Variants in CHRM3 observed in about 807,000 individuals in gnomAD.
CHRM3 encodes cholinergic receptor muscarinic 3, also known as muscarinic acetylcholine receptor M3.
A neutral mutation model predicts 41.8 loss-of-function variants in CHRM3; 11 were observed. The observed-to-expected ratio is 0.26, with a 90% CI of 0.17 to 0.44. The LOEUF is 0.44. CHRM3 is among the 20% of genes least tolerant of loss of function. CHRM3 has a pLI of 1.00. For synonymous variants in CHRM3, 297 were observed against 301.4 expected, an observed-to-expected ratio of 0.99 and a Z score of 0.15; for missense variants, 571 against 745.4, an observed-to-expected ratio of 0.77 and a Z score of 2.72.
At chr1:239,542,358 A>G (rs2148395872) in intron 2 of CHRM3, among the ~76,000 whole-genome samples, 1 of 152,282 alleles carries the variant, frequency 6.6e-6, no homozygotes, top group South Asian at 2.1e-4. Flanking sequence ...GATGTTATCT[A>G]CTCAGAGAAA....
intron 2 of CHRM3, among the ~76,000 whole-genome samples, chr1:239,498,202 T>C (rs1019582400): frequency 3.9e-5 from 6 of 152,258 alleles, no homozygotes; most frequent in African/African-American, 9.6e-5. Context: ...TATAAGTACA[T>C]ATCAAGGCAT....
chr1:239,814,963 A>G (rs575719572), intron 5 of CHRM3, among the ~76,000 whole-genome samples: 3 of 151,730 alleles, frequency 2.0e-5, no homozygotes, highest in Non-Finnish European at 4.4e-5. Flanking sequence ...TTTAGTAGAG[A>G]TGGGGTTTCA....
intron 3 of CHRM3, among the ~76,000 whole-genome samples, chr1:239,616,142 A>T (rs1448473637): frequency 6.6e-6 from 1 of 152,236 alleles, no homozygotes; most frequent in East Asian, 1.9e-4. Flanking sequence ...TAACATTGTG[A>T]TCTGCAAGTT....
At chr1:239,828,431 A>T (rs544043936) in intron 6 of CHRM3, among the ~76,000 whole-genome samples, 1 of 152,260 alleles carries the variant, frequency 6.6e-6, no homozygotes, top group East Asian at 1.9e-4. Flanking sequence ...ATGTTGTGGG[A>T]CCATAACTGG....
At chr1:239,448,751 T>A (rs1372722342) in intron 1 of CHRM3, among the ~76,000 whole-genome samples, 1 of 152,210 alleles carries the variant, frequency 6.6e-6, no homozygotes, top group East Asian at 1.9e-4. Flanking sequence ...TAATAATCAT[T>A]ACTATAAAGC....
At chr1:239,560,674 GTA>G (rs752031050) in intron 3 of CHRM3, among the ~76,000 whole-genome samples, 1 of 151,064 alleles carries the variant, frequency 6.6e-6, no homozygotes, top group African/African-American at 2.4e-5. Context: ...ATATATGTGT[GTA>G]TATATATATA....
intron 5 of CHRM3, among the ~76,000 whole-genome samples, chr1:239,702,935 G>A (rs1044409575): frequency 6.6e-6 from 1 of 152,122 alleles, no homozygotes; most frequent in African/African-American, 2.4e-5. Context: ...GATACCATGT[G>A]CAAATTGATA....
At chr1:239,879,301 A>T (rs1053403054) in intron 6 of CHRM3, among the ~76,000 whole-genome samples, 1 of 152,074 alleles carries the variant, frequency 6.6e-6, no homozygotes, top group Admixed American at 6.6e-5. Flanking sequence ...CAGCTTGTGC[A>T]TTTCTGTGAG....
In CHRM3 at chr1:239,387,612, C is replaced by T. The variant is rs1658638495; in HGVS notation, c.-521+385C>T. Among the ~76,000 whole-genome samples, 1 of 152,124 alleles carries T rather than the reference C, an allele frequency of 6.6e-6. No homozygotes were observed. Among genetic ancestry groups the T allele is most frequent in the Non-Finnish European group, 1.5e-5 (1 of 68,026 alleles). On this transcript the variant is annotated intron_variant, in intron 1 of 6. Coordinates refer to ENST00000676153, the MANE Select transcript of CHRM3 (RefSeq NM_001375978.1). The surrounding 1 kb of genome is among the most constrained non-coding windows in gnomAD (Gnocchi z 5.1). Reference sequence around the variant, plus strand: ...TTCGCCACTGCCGGATCTGAGGCTCCAAAGTGCCCGAGCATGAGGAGCTAC... The same window carrying T: ...TTCGCCACTGCCGGATCTGAGGCTCTAAAGTGCCCGAGCATGAGGAGCTAC...
intron 3 of CHRM3, among the ~76,000 whole-genome samples, chr1:239,559,672 C>G (rs1003108254): frequency 6.6e-6 from 1 of 152,142 alleles, no homozygotes; most frequent in African/African-American, 2.4e-5. Flanking sequence ...TTTCTTGTAC[C>G]TGAATTGATT....
At chr1:239,562,931 A>G (rs1423822032) in intron 3 of CHRM3, among the ~76,000 whole-genome samples, 2 of 151,430 alleles carry the variant, frequency 1.3e-5, no homozygotes, top group Non-Finnish European at 2.9e-5. Flanking sequence ...TTTAGACAGG[A>G]CTTATGTTTT....
At chr1:239,486,891 G>T (rs1440467216) in intron 1 of CHRM3, among the ~76,000 whole-genome samples, 1 of 152,084 alleles carries the variant, frequency 6.6e-6, no homozygotes, top group African/African-American at 2.4e-5. Context: ...GGGGCCAAAT[G>T]TTATTCATCT....
At chr1:239,777,885 T>A (rs1387230355) in intron 5 of CHRM3, among the ~76,000 whole-genome samples, 2 of 152,148 alleles carry the variant, frequency 1.3e-5, no homozygotes, top group African/African-American at 4.8e-5. Flanking sequence ...CCAGTTTCTT[T>A]TCTTCAGGGG....
At chr1:239,630,048 G>T (rs1669631689) in intron 3 of CHRM3, among the ~76,000 whole-genome samples, 1 of 152,100 alleles carries the variant, frequency 6.6e-6, no homozygotes, top group Non-Finnish European at 1.5e-5. Flanking sequence ...CAGTTCCTTT[G>T]CTTGTTTTCA....
intron 1 of CHRM3, among the ~76,000 whole-genome samples, chr1:239,402,952 T>A (rs1195019362): frequency 6.6e-6 from 1 of 152,186 alleles, no homozygotes; most frequent in Non-Finnish European, 1.5e-5. Flanking sequence ...CTTTGTGGAT[T>A]TTTTTTTCTG....
Position 239,672,271 on chromosome 1 carries a change from T to C in CHRM3, c.-249-5915T>C, listed in dbSNP as rs923560668. Among the ~76,000 whole-genome samples the C allele has an allele frequency of 2.6e-5, 4 of 152,104 alleles. 1 individual carries two copies. The highest frequency in any genetic ancestry group is 9.7e-5 in the African/African-American group (4 of 41,422). On this transcript the variant is annotated intron_variant, in intron 4 of 6. Transcript: ENST00000676153. ...GGCTCTGTCCTGGGGGCTGCAGCAC[T>C]CTAGGGCTCTGTGAGCAGACCTCAG...
chr1:239,753,451 GT>G (rs1462412137), intron 5 of CHRM3, among the ~76,000 whole-genome samples: 13 of 152,120 alleles, frequency 8.5e-5, no homozygotes, highest in African/African-American at 3.1e-4. Flanking sequence ...GGGGAAGCCG[GT>G]ATGTATTCAC....
chr1:239,491,776 T>C (rs533597352), intron 1 of CHRM3, among the ~76,000 whole-genome samples: 1 of 152,338 alleles, frequency 6.6e-6, no homozygotes, highest in African/African-American at 2.4e-5. Context: ...TTTTTTGCAG[T>C]GGCTGTAATA....
At chr1:239,693,006 T>G (rs886242392) in intron 5 of CHRM3, among the ~76,000 whole-genome samples, 4 of 152,230 alleles carry the variant, frequency 2.6e-5, no homozygotes, top group African/African-American at 7.2e-5. Context: ...AGTGTACATC[T>G]TAAGTGCATT....
Sources: allele counts gnomAD v4.1 joint callset (sites outside exome capture counted in the v4.1 genomes callset), GRCh38; gene constraint gnomAD v4.1.1; non-coding constraint Gnocchi (gnomAD v3.1); transcripts MANE v1.5; gene names NCBI Gene and HGNC (gene_info 2026-07-23, HGNC 2026-07-21).